PTPN3: variants seen among roughly 807,000 people sequenced by gnomAD.
The protein encoded by PTPN3 is tyrosine-protein phosphatase non-receptor type 3.
A neutral mutation model predicts 132.7 loss-of-function variants in PTPN3; 96 were observed. That is an observed-to-expected ratio of 0.72 (90% CI 0.61 to 0.86). The LOEUF is 0.86. Among genes scored for constraint, PTPN3 ranks in the 40% least tolerant of loss-of-function variants. The probability of loss-of-function intolerance (pLI) is 0.00; values close to 1 mark genes in which losing one functional copy is unlikely to be tolerated. For synonymous variants in PTPN3, 398 were observed against 429.0 expected (o/e 0.93, Z 0.89); for missense variants, 1,125 against 1,159.6 (o/e 0.97, Z 0.43).
At chr9:109,412,009 G>A (rs1049679147) in intron 14 of PTPN3, among the ~76,000 whole-genome samples, 2 of 152,178 alleles carry the variant, frequency 1.3e-5, no homozygotes, top group African/African-American at 4.8e-5. Flanking sequence ...TTACGTAAAA[G>A]GAAGCTTTAC....
intron 2 of PTPN3, among the ~76,000 whole-genome samples, chr9:109,461,070 G>A (rs1471053027): frequency 6.6e-6 from 1 of 152,244 alleles, no homozygotes; most frequent in African/African-American, 2.4e-5. Context: ...ATCTGGAAGA[G>A]ACATCTGTGA....
chr9:109,453,247 TA>T lies in PTPN3; in HGVS notation c.368+1248del, dbSNP rs1281345140. 3.3e-5 allele frequency among the ~76,000 whole-genome samples: 5 copies of T among 152,196 alleles called. No homozygotes were observed. In the South Asian group the frequency reaches 1.0e-3, roughly 32 times the overall value. On this transcript the variant is annotated intron_variant, in intron 5 of 25. Coordinates refer to ENST00000374541, the MANE Select transcript of PTPN3 (RefSeq NM_002829.4). ...AGTTAAAATGTGATGTAATTACTGC[TA>T]AAAAAAATTAACAAGGCAACACTCT...
intron 6 of PTPN3, 71 bp from the exon 7 acceptor site, chr9:109,445,363 G>T (rs1052389935): frequency 5.3e-6 from 7 of 1,324,100 alleles, no homozygotes; most frequent in East Asian, 2.3e-5. Context: ...CAGATCATGC[G>T]TAGTAACACA....
intron 1 of PTPN3, among the ~76,000 whole-genome samples, chr9:109,489,239 G>C (rs973734395): frequency 6.6e-6 from 1 of 152,198 alleles, no homozygotes; most frequent in Non-Finnish European, 1.5e-5. Context: ...GCCAGTCCTT[G>C]TGGCAGACAG....
At chr9:109,522,026 G>A in the PTPN3 span, among the ~76,000 whole-genome samples, 3 of 152,200 alleles carry the variant, frequency 2.0e-5, no homozygotes, top group Non-Finnish European at 2.9e-5. Context: ...GCTGGAATTA[G>A]CGAGTTATAA....
At chr9:109,410,506 G>A in intron 14 of PTPN3, 91 bp from the exon 15 acceptor site, 1 of 1,389,314 alleles carries the variant, frequency 7.2e-7, no homozygotes, top group Non-Finnish European at 9.9e-7. Context: ...GCAGCTGGGG[G>A]CTGTATGTTT....
chr9:109,461,433 A>G (rs1845839546), intron 2 of PTPN3, among the ~76,000 whole-genome samples: 1 of 152,234 alleles, frequency 6.6e-6, no homozygotes, highest in African/African-American at 2.4e-5. Context: ...GAACTACTAA[A>G]GACTGCTTCC....
At position 109,383,426 on chromosome 9, in the gene PTPN3, G is replaced by A; in HGVS notation, c.2379C>T (p.Thr793=). The part of the protein sequence containing the change: ...YVSREMLVTN[T]QTGEEHTVTH... ...TGCCCCTCAGGCTGCGGCTCACCTG[G>A]GTGTTTGTGACCAGCATTTCTCGGG... Residue 793 remains threonine (T), a synonymous_variant, in exon 23 of 26, where the codon ACC becomes ACT. Transcript: ENST00000374541. The A allele has an allele frequency of 1.2e-6, 2 of 1,613,918 alleles. No individual in the cohort carries two copies. Among genetic ancestry groups the A allele is most frequent in the Non-Finnish European group, 1.7e-6 (2 of 1,179,934 alleles).
At chr9:109,499,956 G>A (rs1230142804), upstream of PTPN3, among the ~76,000 whole-genome samples, 8 of 152,208 alleles carry the variant, frequency 5.3e-5, no homozygotes, top group Non-Finnish European at 1.0e-4. Context: ...GCTCGGAGCC[G>A]GGCGGGGCCG....
intron 10 of PTPN3, 192 bp from the exon 11 acceptor site, chr9:109,428,876 C>G: frequency 1.0e-6 from 1 of 985,384 alleles, no homozygotes; most frequent in Non-Finnish European, 1.2e-6. Flanking sequence ...CTGACTGAAG[C>G]TGAGCACTGC....
chr9:109,463,946 C>A (rs908402935), intron 1 of PTPN3, among the ~76,000 whole-genome samples: 1 of 152,064 alleles, frequency 6.6e-6, no homozygotes, highest in Non-Finnish European at 1.5e-5. Context: ...ATACATCTGC[C>A]AAGAATATAT....
intron 1 of PTPN3, among the ~76,000 whole-genome samples, chr9:109,489,375 C>A (rs1847353991): frequency 6.6e-6 from 1 of 152,174 alleles, no homozygotes; most frequent in South Asian, 2.1e-4. Context: ...GGCCTGCAGG[C>A]CATGCAGAGG....
At chr9:109,409,926 T>C in intron 16 of PTPN3, 73 bp downstream of exon 16, 1 of 1,563,278 alleles carries the variant, frequency 6.4e-7, no homozygotes, top group Non-Finnish European at 8.7e-7. Flanking sequence ...GCAGCACATT[T>C]GTAATGCAAA....
the PTPN3 span, among the ~76,000 whole-genome samples, chr9:109,507,648 CAT>C: frequency 3.2e-4 from 49 of 152,344 alleles, no homozygotes; most frequent in African/African-American, 1.1e-3. Context: ...ACATGAGTCA[CAT>C]GTGAAGTTAA....
the PTPN3 span, among the ~76,000 whole-genome samples, chr9:109,515,277 A>C: frequency 6.6e-6 from 1 of 152,162 alleles, no homozygotes; most frequent in African/African-American, 2.4e-5. Context: ...TGCCCACCTC[A>C]GCCTCACAAA....
chr9:109,443,360 C>T (rs1844628930), intron 7 of PTPN3, among the ~76,000 whole-genome samples: 1 of 152,084 alleles, frequency 6.6e-6, no homozygotes, highest in South Asian at 2.1e-4. Flanking sequence ...TACAGATGCA[C>T]ACCACCATGC....
At chr9:109,485,784 C>T (rs1184806920) in intron 1 of PTPN3, among the ~76,000 whole-genome samples, 2 of 152,144 alleles carry the variant, frequency 1.3e-5, no homozygotes, top group Non-Finnish European at 2.9e-5. Context: ...GAGAGGGAAC[C>T]CCTTTGCAGT....
chr9:109,450,406 T>C (rs1845172818), intron 5 of PTPN3: 2 of 984,602 alleles, frequency 2.0e-6, no homozygotes, highest in Non-Finnish European at 1.2e-6. Context: ...TTATAGATAA[T>C]CCAATGGTGA....
intron 1 of PTPN3, among the ~76,000 whole-genome samples, chr9:109,470,855 C>T (rs182176082): frequency 2.6e-5 from 4 of 152,096 alleles, no homozygotes; most frequent in African/African-American, 7.2e-5. Context: ...TTAAAACTAG[C>T]GTACACAAGA....
Sources: allele counts gnomAD v4.1 joint callset (sites outside exome capture counted in the v4.1 genomes callset), GRCh38; gene constraint gnomAD v4.1.1; transcripts MANE v1.5; gene names NCBI Gene and HGNC (gene_info 2026-07-23, HGNC 2026-07-21).